MSH6: variants seen among roughly 807,000 people sequenced by gnomAD.
The protein encoded by MSH6 is mutS homolog 6.
In MSH6, 85 loss-of-function variants were observed where a neutral mutation model predicts 119.1. The ratio of observed to expected loss-of-function variants is 0.71; its 90% CI spans 0.60 to 0.85. The LOEUF (loss-of-function observed/expected upper bound fraction) is 0.85, where lower values mean the gene tolerates loss of function less well. MSH6 is among the 40% of genes least tolerant of loss of function. The pLI, the probability that MSH6 is intolerant of heterozygous loss-of-function variation, is 0.00. For synonymous variants in MSH6, 830 were observed against 586.9 expected, an observed-to-expected ratio of 1.41 and a Z score of -5.99; for missense variants, 2,163 against 1,655.3, an observed-to-expected ratio of 1.31 and a Z score of -5.32.
rs587781690 is a variant in MSH6, at chr2:47,805,618, G to C, written c.3557G>C (p.Gly1186Ala). The change falls in exon 7 of 10, where the codon GGT becomes GCT. Residue 1186 changes from glycine to alanine, a missense_variant and splice_region_variant. Gly to Ala is a moderately conservative substitution (Grantham distance 60). Transcript: ENST00000234420. Reference protein sequence around the residue: ...RLGASDRIMSGESTFFVELSE... With the variant: ...RLGASDRIMSAESTFFVELSE... ...CATTTGTGATTTTTTTTTTTTTAAG[G>C]TGAAAGTACATTTTTTGTTGAATTA... 1.3e-6 allele frequency: 2 copies of C among 1,599,852 alleles called. No homozygotes were observed. The highest frequency in any genetic ancestry group is 1.7e-6 in the Non-Finnish European group (2 of 1,168,942).
chr2:47,783,313 C>A lies in MSH6; in HGVS notation c.80C>A (p.Ala27Asp), dbSNP rs1668116728. Reference protein sequence around the residue: ...LSDANKASARASREGGRAAAA... With the variant: ...LSDANKASARDSREGGRAAAA... ...GATGCCAACAAGGCCTCGGCCAGGGCCTCACGCGAAGGCGGCCGTGCCGCC... is the reference window on the plus strand; with the variant it reads ...GATGCCAACAAGGCCTCGGCCAGGGACTCACGCGAAGGCGGCCGTGCCGCC... The change falls in exon 1 of 10, where the codon GCC (alanine) becomes GAC (aspartate). Residue 27 changes from alanine to aspartate, a missense_variant. By Grantham distance (126) the Ala-to-Asp change is moderately radical (BLOSUM62 -2). Coordinates refer to ENST00000234420, the MANE Select transcript of MSH6 (RefSeq NM_000179.3). 1 of 1,611,834 alleles carries A rather than the reference C, an allele frequency of 6.2e-7. No individual in the cohort carries two copies. The highest frequency in any genetic ancestry group is 1.1e-5 in the South Asian group (1 of 90,970).
chr2:47,804,671 G>T (rs544985149), intron 5 of MSH6, among the ~76,000 whole-genome samples: 1 of 152,306 alleles, frequency 6.6e-6, no homozygotes, highest in African/African-American at 2.4e-5. Flanking sequence ...CACTAGGGTA[G>T]TGGGTTGGTA....
At chr2:47,786,066 A>G (rs1390365092) in intron 1 of MSH6, among the ~76,000 whole-genome samples, 1 of 151,890 alleles carries the variant, frequency 6.6e-6, no homozygotes, top group African/African-American at 2.4e-5. Context: ...TGTAGACTCC[A>G]AGTGGAAAGG....
intron 5 of MSH6, 25 bp downstream of exon 5, chr2:47,803,710 AT>A: frequency 6.2e-7 from 1 of 1,613,954 alleles, no homozygotes; most frequent in Non-Finnish European, 8.5e-7. Context: ...AAGTTTTGTT[AT>A]CAGAAAGTCA....
chr2:47,791,028 G>C lies in MSH6; in HGVS notation c.362G>C (p.Arg121Pro), dbSNP rs769279475. ...YNHPFDGTFI[R>P]EKGKSVRVHV... Reference sequence around the variant, plus strand: ...CACCCCTTTGATGGAACATTCATCCGCGAGAAAGGGAAATCAGTCCGTGTT... The same window carrying C: ...CACCCCTTTGATGGAACATTCATCCCCGAGAAAGGGAAATCAGTCCGTGTT... Residue 121 changes from arginine to proline, a missense_variant, in exon 2 of 10, where the codon CGC (arginine) becomes CCC (proline). Physicochemically the swap from Arg to Pro is moderately radical, Grantham distance 103. Transcript: ENST00000234420. The C allele has an allele frequency of 6.2e-7, 1 of 1,614,208 alleles. No individual in the cohort carries two copies. The highest frequency in any genetic ancestry group is 1.3e-5 in the African/African-American group (1 of 75,054).
In MSH6 at chr2:47,783,343, C is replaced by T. The variant is rs763104308; in HGVS notation, c.110C>T (p.Ala37Val). 3 of 1,609,686 alleles carry T rather than the reference C, an allele frequency of 1.9e-6. No individual in the cohort carries two copies. The highest frequency in any genetic ancestry group is 1.7e-5 in the Admixed American group (1 of 59,716). ...CGCGAAGGCGGCCGTGCCGCCGCTG[C>T]CCCCGGGGCCTCTCCTTCCCCAGGC... is the stretch of plus-strand genomic sequence containing the variant. Reference protein sequence around the residue: ...ASREGGRAAAAPGASPSPGGD... With the variant: ...ASREGGRAAAVPGASPSPGGD... Residue 37 changes from alanine (A) to valine (V), a missense_variant, in exon 1 of 10, where the codon GCC becomes GTC. Physicochemically the swap from Ala to Val is moderately conservative, Grantham distance 64. Transcript: ENST00000234420.
chr2:47,789,857 C>G (rs1327356949), intron 1 of MSH6, among the ~76,000 whole-genome samples: 2 of 151,368 alleles, frequency 1.3e-5, no homozygotes, highest in African/African-American at 4.9e-5. Context: ...GAGTCTTGCT[C>G]TGTTGCCCAG....
chr2:47,786,949 C>G (rs184783201), intron 1 of MSH6, among the ~76,000 whole-genome samples: 1 of 151,940 alleles, frequency 6.6e-6, no homozygotes, highest in African/African-American at 2.4e-5. Flanking sequence ...TGGCATCTTT[C>G]GATGAACAAA....
rs777409019 is a variant in MSH6 at position 47,806,908 on chromosome 2, A to ATTCAGACAACATTATGATCT, written c.*49_*68dup. The ATTCAGACAACATTATGATCT allele has an allele frequency of 2.3e-4, 310 of 1,339,010 alleles. No individual in the cohort carries two copies. The highest frequency in any genetic ancestry group is 3.1e-4 in the Non-Finnish European group (288 of 931,752). 82.9% of individuals were successfully genotyped at this position (1,339,010 alleles called of 1,614,324 possible). On this transcript the variant is annotated 3_prime_UTR_variant, in exon 10 of 10. Coordinates refer to ENST00000234420, the MANE Select transcript of MSH6 (RefSeq NM_000179.3). Reference sequence around the variant, plus strand: ...AGTTGACTTCTGACAAAGGTGGTAAATTCAGACAACATTATGATCTAATAA... The same window carrying ATTCAGACAACATTATGATCT: ...AGTTGACTTCTGACAAAGGTGGTAAATTCAGACAACATTATGATCTTTCAGACAACATTATGATCTAATAA...
chr2:47,803,577 T>C lies in MSH6; in HGVS notation c.3330T>C (p.Pro1110=), dbSNP rs1669759262. The change falls in exon 5 of 10, where the codon CCT becomes CCC. Residue 1110 remains proline, a synonymous_variant. Coordinates refer to ENST00000234420, the MANE Select transcript of MSH6 (RefSeq NM_000179.3). ...CTTTTTTTGGAGATGATTTTATTCC[T>C]AATGACATTCTAATAGGCTGTGAGG... ...TKTFFGDDFI[P]NDILIGCEEE... 1 of 1,614,188 alleles carries C rather than the reference T, an allele frequency of 6.2e-7. No individual in the cohort carries two copies. Among genetic ancestry groups the C allele is most frequent in the African/African-American group, 1.3e-5 (1 of 75,058 alleles).
intron 4 of MSH6, 180 bp downstream of exon 4, chr2:47,801,335 C>A (rs1572730926): frequency 2.0e-5 from 5 of 252,690 alleles, no homozygotes; most frequent in Middle Eastern, 1.4e-3. Flanking sequence ...TCGCTTTTAT[C>A]TTAGTAGCCC....
chr2:47,784,159 C>T (rs1426344163), intron 1 of MSH6: 14 of 1,002,266 alleles, frequency 1.4e-5, no homozygotes, highest in African/African-American at 3.5e-5. Context: ...GGGGGTGTGT[C>T]ACCATGGGGA....
At chr2:47,794,411 A>T (rs758229331) in intron 2 of MSH6, among the ~76,000 whole-genome samples, 2 of 151,680 alleles carry the variant, frequency 1.3e-5, no homozygotes, top group African/African-American at 4.8e-5. Flanking sequence ...AGCTGAGACT[A>T]CAGGTGTGCA....
rs1287554667 is a variant in MSH6, at chr2:47,801,060, A to G, written c.3077A>G (p.Asp1026Gly). The G allele has an allele frequency of 1.9e-6, 3 of 1,606,220 alleles. No individual in the cohort carries two copies. Among genetic ancestry groups the G allele is most frequent in the South Asian group, 1.1e-5 (1 of 89,782 alleles). Residue 1026 changes from aspartate to glycine, a missense_variant, in exon 4 of 10, where the codon GAT (aspartate) becomes GGT (glycine). Physicochemically the swap from Asp to Gly is moderately conservative, Grantham distance 94. Transcript: ENST00000234420. ...ANLINAEERR[D>G]VSLKDCMRRL... The stretch of plus-strand genomic sequence containing the variant: ...CTCATAAATGCTGAAGAACGGAGGG[A>G]TGTATCATTGAAGGACTGCATGCGG...
Position 47,801,009 on chromosome 2 carries a change from A to T in MSH6, c.3026A>T (p.Lys1009Ile), listed in dbSNP as rs587781593. The T allele has an allele frequency of 9.3e-5, 146 of 1,570,624 alleles. No individual in the cohort carries two copies. The highest frequency in any genetic ancestry group is 1.2e-4 in the Non-Finnish European group (143 of 1,160,210). Residue 1009 changes from lysine (K) to isoleucine (I), a missense_variant, in exon 4 of 10, where the codon AAA (lysine) becomes ATA (isoleucine). Transcript: ENST00000234420. ...TKKGCKRYWT[K>I]TIEKKLANLI... ...AAGGGCTGTAAACGATACTGGACCAAAACTATTGAAAAGAAGTTGGCTAAT... is the reference window on the plus strand; with the variant it reads ...AAGGGCTGTAAACGATACTGGACCATAACTATTGAAAAGAAGTTGGCTAAT...
Position 47,790,974 on chromosome 2 carries a change from A to G in MSH6, c.308A>G (p.Tyr103Cys). ...TTGGTTTGGGCCAAGATGGAGGGTT[A>G]CCCCTGGTGGCCTTGTCTGGTTTAC... ...GDLVWAKMEG[Y>C]PWWPCLVYNH... Residue 103 changes from tyrosine to cysteine, a missense_variant, in exon 2 of 10, where the codon TAC (tyrosine) becomes TGC (cysteine). Tyr to Cys is a radical substitution (Grantham distance 194). Coordinates refer to ENST00000234420, the MANE Select transcript of MSH6 (RefSeq NM_000179.3). 1 of 1,614,178 alleles carries G rather than the reference A, an allele frequency of 6.2e-7. No homozygotes were observed. Among genetic ancestry groups the G allele is most frequent in the Middle Eastern group, 1.6e-4 (1 of 6,062 alleles).
At position 47,806,618 on chromosome 2, in the gene MSH6, T is replaced by G. The variant is rs1051564593; in HGVS notation, c.3968T>G (p.Phe1323Cys). Residue 1323 changes from phenylalanine to cysteine, a missense_variant, in exon 9 of 10, where the codon TTT (phenylalanine) becomes TGT (cysteine). By Grantham distance (205) the Phe-to-Cys change is radical (BLOSUM62 -2). Coordinates refer to ENST00000234420, the MANE Select transcript of MSH6 (RefSeq NM_000179.3). The stretch of plus-strand genomic sequence containing the variant: ...AAGGGACATAGAAAAGCAAGAGAAT[T>G]TGAGAAGATGAATCAGTCACTACGA... ...IQKGHRKARE[F>C]EKMNQSLRLF... 6.2e-7 allele frequency: 1 copy of G among 1,612,354 alleles called. No individual in the cohort carries two copies. Among genetic ancestry groups the G allele is most frequent in the Non-Finnish European group, 8.5e-7 (1 of 1,179,756 alleles).
Position 47,806,246 on chromosome 2 carries a change from C to T in MSH6, c.3689C>T (p.Ala1230Val), listed in dbSNP as rs587782117. The T allele has an allele frequency of 6.2e-7, 1 of 1,614,000 alleles. No individual in the cohort carries two copies. Among genetic ancestry groups the T allele is most frequent in the Admixed American group, 1.7e-5 (1 of 60,006 alleles). Reference protein sequence around the residue: ...ATFDGTAIANAVVKELAETIK... With the variant: ...ATFDGTAIANVVVKELAETIK... Reference sequence around the variant, plus strand: ...TTTGATGGGACGGCAATAGCAAATGCAGTTGTTAAAGAACTTGCTGAGACT... The same window carrying T: ...TTTGATGGGACGGCAATAGCAAATGTAGTTGTTAAAGAACTTGCTGAGACT... Residue 1230 changes from alanine to valine, a missense_variant, in exon 8 of 10, where the codon GCA (alanine) becomes GTA (valine). Ala to Val is a moderately conservative substitution (Grantham distance 64). Coordinates refer to ENST00000234420, the MANE Select transcript of MSH6 (RefSeq NM_000179.3).
downstream of MSH6, chr2:47,808,580 T>C (rs1670386562): frequency 5.4e-6 from 3 of 555,132 alleles, no homozygotes; most frequent in Non-Finnish European, 9.2e-6. Flanking sequence ...AAAGGAACTT[T>C]AATGGAGTAA....
Sources: allele counts gnomAD v4.1 joint callset (sites outside exome capture counted in the v4.1 genomes callset), GRCh38; gene constraint gnomAD v4.1.1; transcripts MANE v1.5; gene names NCBI Gene and HGNC (gene_info 2026-07-23, HGNC 2026-07-21).